SEC31A: variants seen among roughly 807,000 people sequenced by gnomAD.
The protein encoded by SEC31A is protein transport protein Sec31A.
Under a neutral mutation model 151.0 loss-of-function variants are expected in SEC31A, and 70 were observed. The ratio of observed to expected loss-of-function variants is 0.46; its 90% CI spans 0.38 to 0.57. SEC31A has a LOEUF of 0.57. Among genes scored for constraint, SEC31A ranks in the 20% least tolerant of loss-of-function variants. SEC31A has a pLI of 0.00. For missense variants in SEC31A, 1,330 were observed against 1,471.2 expected (o/e 0.90, Z 1.57); for synonymous variants, 475 against 505.9 (o/e 0.94, Z 0.82).
intron 10 of SEC31A, among the ~76,000 whole-genome samples, chr4:82,865,930 T>C (rs994376172): frequency 3.3e-5 from 5 of 151,908 alleles, no homozygotes; most frequent in African/African-American, 1.2e-4. Context: ...TATTTTAAAA[T>C]GGTTAAGATA....
intron 6 of SEC31A, among the ~76,000 whole-genome samples, chr4:82,874,392 T>A (rs1000769222): frequency 3.9e-5 from 6 of 152,064 alleles, no homozygotes; most frequent in Admixed American, 3.9e-4. Context: ...GATTAACCAA[T>A]CTCTCTTCAT....
rs148958230 is a variant in SEC31A, at chr4:82,856,978, C to T, written c.1855G>A (p.Ala619Thr). 1.2e-4 allele frequency: 198 copies of T among 1,606,804 alleles called. 2 individuals carry two copies. The South Asian group carries it at 1.8e-3, about 15-fold the overall frequency. Residue 619 changes from alanine (A) to threonine (T), a missense_variant, in exon 16 of 27, where the codon GCA becomes ACA. Transcript: ENST00000395310. ...CTGGTAATTTTGCTTTGGGATTTTGCGAAGTATTTTTTCTGGGTTCGAGCC... is the reference window on the plus strand; with the variant it reads ...CTGGTAATTTTGCTTTGGGATTTTGTGAAGTATTTTTTCTGGGTTCGAGCC... ...LLARTQKKYF[A>T]KSQSKITRLI...
intron 14 of SEC31A, 109 bp downstream of exon 14, chr4:82,861,522 A>G (rs1734114653): frequency 1.6e-6 from 1 of 634,082 alleles, no homozygotes; most frequent in Non-Finnish European, 2.8e-6. Flanking sequence ...AAAACAATTT[A>G]CTTCAACTTT....
Position 82,819,024 on chromosome 4 carries a change from C to T in SEC31A, c.*50G>A. ...CATGTCTTATAATTTTTTTTTTTAA[C>T]ATGTTTCTTTGGAAAAATGGCAATA... On this transcript the variant is annotated 3_prime_UTR_variant, in exon 27 of 27. Coordinates refer to ENST00000395310, the MANE Select transcript of SEC31A (RefSeq NM_001077207.4). 2.7e-6 allele frequency: 4 copies of T among 1,482,504 alleles called. No individual in the cohort carries two copies. The highest frequency in any genetic ancestry group is 1.4e-5 in the South Asian group (1 of 72,164). 91.8% of individuals were successfully genotyped at this position (1,482,504 alleles called of 1,614,324 possible). A position where few individuals can be genotyped will look rare whatever the true frequency, so the allele number is the denominator to read the frequency against.
At chr4:82,876,424 T>TCCATG (rs1308240211) in intron 4 of SEC31A, among the ~76,000 whole-genome samples, 10 of 152,204 alleles carry the variant, frequency 6.6e-5, no homozygotes, top group African/African-American at 2.4e-4. Context: ...AAATTCTTAA[T>TCCATG]CAGTCATGCA....
chr4:82,854,358 C>T (rs574570945), intron 17 of SEC31A, among the ~76,000 whole-genome samples: 7 of 73,062 alleles, frequency 9.6e-5, no homozygotes, highest in East Asian at 3.9e-4. Context: ...AGCAAAACTC[C>T]GTCTCCAAAA....
At chr4:82,827,294 A>T in intron 24 of SEC31A, 75 bp downstream of exon 24, 1 of 1,464,122 alleles carries the variant, frequency 6.8e-7, no homozygotes, top group Non-Finnish European at 9.3e-7. Context: ...ATGCAATCAT[A>T]AAAGTTAGCA....
At chr4:82,865,929 A>T (rs1443535011) in intron 10 of SEC31A, among the ~76,000 whole-genome samples, 2 of 152,104 alleles carry the variant, frequency 1.3e-5, no homozygotes, top group Non-Finnish European at 2.9e-5. Context: ...ATATTTTAAA[A>T]TGGTTAAGAT....
Position 82,867,806 on chromosome 4 carries a change from CA to C in SEC31A, c.883-491del, listed in dbSNP as rs527584888. 2.7e-4 allele frequency among the ~76,000 whole-genome samples: 41 copies of C among 152,194 alleles called. 2 individuals are homozygous for C. The highest frequency in any genetic ancestry group is 9.9e-4 in the African/African-American group (41 of 41,556). ...CATCATCATGCCCGGCTAATTTTTG[CA>C]TTTTTAATAGAGATGGCGTTTCACC... On this transcript the variant is annotated intron_variant, in intron 8 of 26. Transcript: ENST00000395310.
chr4:82,862,386 G>A, intron 13 of SEC31A, 148 bp downstream of exon 13: 1 of 591,510 alleles, frequency 1.7e-6, no homozygotes, highest in Non-Finnish European at 3.0e-6. Flanking sequence ...ATTTTAAAAT[G>A]AGAATTATTA....
intron 22 of SEC31A, chr4:82,829,469 A>G (rs1047977137): frequency 3.2e-5 from 5 of 155,088 alleles, no homozygotes; most frequent in African/African-American, 1.2e-4. Flanking sequence ...CATATAAAAA[A>G]AAAGAGAATA....
At chr4:82,839,085 T>C (rs1356962222) in intron 22 of SEC31A, among the ~76,000 whole-genome samples, 1 of 152,184 alleles carries the variant, frequency 6.6e-6, no homozygotes, top group Non-Finnish European at 1.5e-5. Context: ...CAAGCGATTC[T>C]CCTGCCTCAG....
chr4:82,884,220 C>A (rs1411148672), intron 1 of SEC31A, among the ~76,000 whole-genome samples: 1 of 151,928 alleles, frequency 6.6e-6, no homozygotes, highest in East Asian at 1.9e-4. Flanking sequence ...AACTCCTGAC[C>A]TCAGGTGATC....
At chr4:82,881,454 G>A (rs1471054392) in intron 2 of SEC31A, among the ~76,000 whole-genome samples, 1 of 149,914 alleles carries the variant, frequency 6.7e-6, no homozygotes, top group Non-Finnish European at 1.5e-5. Context: ...GAAAGAGCAA[G>A]ACTCCATCTC....
At chr4:82,870,181 T>A (rs960134080) in intron 8 of SEC31A, 144 bp downstream of exon 8, 2 of 512,104 alleles carry the variant, frequency 3.9e-6, no homozygotes, top group African/African-American at 3.9e-5. Flanking sequence ...CTGATAAAAT[T>A]GCTGCCAAAT....
intron 25 of SEC31A, among the ~76,000 whole-genome samples, chr4:82,823,047 C>T (rs762770512): frequency 3.3e-5 from 5 of 152,148 alleles, no homozygotes; most frequent in African/African-American, 4.8e-5. Flanking sequence ...CAAGGGCAGC[C>T]GGACAGGCAG....
chr4:82,840,554 A>T (rs577298975), intron 22 of SEC31A, among the ~76,000 whole-genome samples: 1 of 152,326 alleles, frequency 6.6e-6, no homozygotes, highest in Admixed American at 6.5e-5. Context: ...AATATTATAC[A>T]GTCATGTGTC....
At chr4:82,884,080 G>A (rs1243463057) in intron 1 of SEC31A, among the ~76,000 whole-genome samples, 1 of 147,464 alleles carries the variant, frequency 6.8e-6, no homozygotes, top group Admixed American at 6.9e-5. Context: ...GTCTGCCTCC[G>A]GGTTCAAGCG....
chr4:82,845,777 C>G (rs1047791950), intron 20 of SEC31A, among the ~76,000 whole-genome samples: 1 of 152,024 alleles, frequency 6.6e-6, no homozygotes, highest in African/African-American at 2.4e-5. Flanking sequence ...AAAGTCATAT[C>G]AGTCCAATAT....
Sources: allele counts gnomAD v4.1 joint callset (sites outside exome capture counted in the v4.1 genomes callset), GRCh38; gene constraint gnomAD v4.1.1; transcripts MANE v1.5; gene names NCBI Gene and HGNC (gene_info 2026-07-23, HGNC 2026-07-21).